CGGBP1: variants seen among roughly 807,000 people sequenced by gnomAD.
The protein encoded by CGGBP1 is CGG triplet repeat binding protein 1.
Under a neutral mutation model 11.4 loss-of-function variants are expected in CGGBP1, and 4 were observed. The ratio of observed to expected loss-of-function variants is 0.35; its 90% CI spans 0.17 to 0.80. The LOEUF (loss-of-function observed/expected upper bound fraction) is 0.80. Among genes scored for constraint, CGGBP1 ranks in the 30% least tolerant of loss-of-function variants. The pLI, the probability that CGGBP1 is intolerant of heterozygous loss-of-function variation, is 0.52. For synonymous variants in CGGBP1, 76 were observed against 74.1 expected (o/e 1.03, Z -0.13); for missense variants, 135 against 202.1 (o/e 0.67, Z 2.01).
intron 2 of CGGBP1, chr3:88,126,148 C>T: frequency 7.3e-6 from 11 of 1,515,518 alleles, no homozygotes; most frequent in Non-Finnish European, 9.7e-6. Flanking sequence ...GCCAGAATCA[C>T]CTCCGCAGAT....
chr3:88,069,236 A>T (rs957949977), intron 2 of CGGBP1, among the ~76,000 whole-genome samples: 1 of 152,198 alleles, frequency 6.6e-6, no homozygotes, highest in Non-Finnish European at 1.5e-5. Flanking sequence ...AGCCTGGCCA[A>T]CATGGTGAAA....
At chr3:88,140,590 G>C (rs1707062591) in intron 2 of CGGBP1, 24 of 1,613,584 alleles carry the variant, frequency 1.5e-5, no homozygotes, top group Admixed American at 5.0e-5. Flanking sequence ...TGTAGTAGTA[G>C]TGATATAGTC....
upstream of CGGBP1, among the ~76,000 whole-genome samples, chr3:88,060,598 C>A (rs73844844): frequency 3.0e-3 from 463 of 152,214 alleles, 3 homozygotes; most frequent in African/African-American, 0.011. Context: ...TTACCTTGGA[C>A]AAGTTACTCT....
At chr3:88,096,242 C>G (rs962315227) in intron 2 of CGGBP1, among the ~76,000 whole-genome samples, 4 of 151,692 alleles carry the variant, frequency 2.6e-5, no homozygotes, top group African/African-American at 9.7e-5. Context: ...AGATGGTGAA[C>G]CTGAACATTG....
chr3:88,088,749 T>TGGATGG, intron 2 of CGGBP1, among the ~76,000 whole-genome samples: 1 of 69,906 alleles, frequency 1.4e-5, no homozygotes, highest in East Asian at 4.7e-4. Context: ...TTTATTTATG[T>TGGATGG]ATGTATGTAT....
chr3:88,145,924 A>G (rs1707305190), intron 1 of CGGBP1, among the ~76,000 whole-genome samples: 1 of 152,150 alleles, frequency 6.6e-6, no homozygotes, highest in Non-Finnish European at 1.5e-5. Flanking sequence ...GGTGACTGAA[A>G]AATCAGATGT....
Position 88,054,708 on chromosome 3 carries a change from T to C in CGGBP1, c.*765A>G, listed in dbSNP as rs555014116. The C allele has an allele frequency of 2.6e-4, 40 of 152,734 alleles. No homozygotes were observed. The highest frequency in any genetic ancestry group is 8.7e-4 in the African/African-American group (36 of 41,574). The allele number at this position is 152,734 out of a possible 1,614,324, so 9.5% of individuals were successfully genotyped here. Reference sequence around the variant, plus strand: ...TAACACCAAGACATAGAAAAAAGTTTAGAAATTCAAGATGATGCTTAAAAT... The same window carrying C: ...TAACACCAAGACATAGAAAAAAGTTCAGAAATTCAAGATGATGCTTAAAAT... On this transcript the variant is annotated 3_prime_UTR_variant, in exon 4 of 4. Transcript: ENST00000482016.
chr3:88,104,244 A>G (rs1704605231), intron 2 of CGGBP1, among the ~76,000 whole-genome samples: 1 of 152,238 alleles, frequency 6.6e-6, no homozygotes, highest in Admixed American at 6.5e-5. Flanking sequence ...AATGGTAAAT[A>G]AAAACTGAAG....
At chr3:88,116,499 G>GGGCAACAA (rs1316056338) in intron 2 of CGGBP1, among the ~76,000 whole-genome samples, 1 of 151,602 alleles carries the variant, frequency 6.6e-6, no homozygotes, top group Non-Finnish European at 1.5e-5. Flanking sequence ...CATCCAGCCA[G>GGGCAACAA]GGCAACAAGA....
intron 2 of CGGBP1, among the ~76,000 whole-genome samples, chr3:88,071,861 C>T (rs1707533985): frequency 6.6e-6 from 1 of 152,154 alleles, no homozygotes; most frequent in African/African-American, 2.4e-5. Context: ...CCATTTTGTA[C>T]TGTACTTTTA....
rs115119670 is a variant in CGGBP1 at position 88,143,242 on chromosome 3, C to T, written c.-337-2164G>A. Reference sequence around the variant, plus strand: ...ATCAGATGATTTTTTTTTAATTTCCCGGTTTTATTGGTTTATCATCAGCAT... The same window carrying T: ...ATCAGATGATTTTTTTTTAATTTCCTGGTTTTATTGGTTTATCATCAGCAT... On this transcript the variant is annotated intron_variant, in intron 1 of 3. Transcript: ENST00000462901. The T allele has an allele frequency of 0.013, 2,048 of 151,760 alleles. 30 individuals carry two copies. Among genetic ancestry groups the T allele is most frequent in the Non-Finnish European group, 0.016 (1,068 of 67,572 alleles). 9.4% of individuals were successfully genotyped at this position (151,760 alleles called of 1,614,324 possible).
chr3:88,079,113 AAG>A (rs1253740491), intron 2 of CGGBP1, among the ~76,000 whole-genome samples: 1 of 152,098 alleles, frequency 6.6e-6, no homozygotes, highest in Non-Finnish European at 1.5e-5. Flanking sequence ...CTATATGAAA[AAG>A]AGCATTTTTG....
chr3:88,057,148 A>T (rs139001002), intron 3 of CGGBP1, 43 bp downstream of exon 3: 1 of 152,222 alleles, frequency 6.6e-6, no homozygotes, highest in African/African-American at 2.4e-5. Context: ...ATTATGTCTC[A>T]TAAGTGTAAT....
intron 1 of CGGBP1, among the ~76,000 whole-genome samples, chr3:88,058,482 G>C (rs1706634118): frequency 6.6e-6 from 1 of 152,116 alleles, no homozygotes; most frequent in Non-Finnish European, 1.5e-5. Flanking sequence ...CGGGGCCCGG[G>C]ACGTTCCCGG....
intron 2 of CGGBP1, among the ~76,000 whole-genome samples, chr3:88,081,286 A>G (rs1416999877): frequency 1.3e-5 from 2 of 152,108 alleles, no homozygotes; most frequent in African/African-American, 4.8e-5. Context: ...GATGGCTTTA[A>G]GTTTATGTGG....
At chr3:88,140,441 A>G in intron 2 of CGGBP1, 1 of 1,613,700 alleles carries the variant, frequency 6.2e-7, no homozygotes, top group Non-Finnish European at 8.5e-7. Context: ...CTACAGAACC[A>G]AAGACATGTA....
chr3:88,086,484 A>G, intron 2 of CGGBP1: 1 of 1,219,302 alleles, frequency 8.2e-7, no homozygotes, highest in Non-Finnish European at 1.1e-6. Flanking sequence ...CTTCTGAAGA[A>G]GAAACCTTTC....
intron 2 of CGGBP1, among the ~76,000 whole-genome samples, chr3:88,123,778 A>G (rs1203147240): frequency 3.3e-5 from 5 of 152,150 alleles, no homozygotes; most frequent in East Asian, 1.9e-4. Flanking sequence ...AAGCTCACCA[A>G]TGACTCAGGG....
At chr3:88,093,560 A>AC (rs774228689) in intron 2 of CGGBP1, among the ~76,000 whole-genome samples, 1 of 152,318 alleles carries the variant, frequency 6.6e-6, no homozygotes, top group African/African-American at 2.4e-5. Context: ...AAGAGAAAAG[A>AC]CCAAAGGGTC....
Sources: allele counts gnomAD v4.1 joint callset (sites outside exome capture counted in the v4.1 genomes callset), GRCh38; gene constraint gnomAD v4.1.1; transcripts MANE v1.5; gene names NCBI Gene and HGNC (gene_info 2026-07-23, HGNC 2026-07-21).